Variants in MTCL1 observed in about 807,000 individuals in gnomAD.
The protein encoded by MTCL1 is microtubule cross-linking factor 1.
In MTCL1, 79 loss-of-function variants were observed where a neutral mutation model predicts 141.4. The observed-to-expected ratio is 0.56, with a 90% CI of 0.47 to 0.67. The LOEUF is 0.67. Among genes scored for constraint, MTCL1 ranks in the 30% least tolerant of loss-of-function variants. The probability of loss-of-function intolerance (pLI) is 0.00; values close to 1 mark genes in which losing one functional copy is unlikely to be tolerated. For synonymous variants in MTCL1, 914 were observed against 875.8 expected (o/e 1.04, Z -0.77); for missense variants, 2,177 against 2,113.9 (o/e 1.03, Z -0.59).
At position 8,828,603 on chromosome 18, in the gene MTCL1, G is replaced by A. The variant is rs2077098694; in HGVS notation, c.4723-305G>A. On this transcript the variant is annotated intron_variant, in intron 15 of 16. Coordinates refer to ENST00000359865, the Ensembl canonical transcript of MTCL1. This position sits in a 1 kb window ranked among gnomAD's most constrained non-coding sequence, Gnocchi z 5.2. ...TGTTTGAAATGTTAAATGCTAAAGGGTGACTCGGAAGCATAGAAACTAGAG... is the reference window on the plus strand; with the variant it reads ...TGTTTGAAATGTTAAATGCTAAAGGATGACTCGGAAGCATAGAAACTAGAG... 6.6e-6 allele frequency among the ~76,000 whole-genome samples: 1 copy of A among 152,148 alleles called. No homozygotes were observed. Among genetic ancestry groups the A allele is most frequent in the African/African-American group, 2.4e-5 (1 of 41,424 alleles).
intron 1 of MTCL1, chr18:8,717,900 A>C (rs1034142659): frequency 2.5e-5 from 25 of 991,554 alleles, no homozygotes; most frequent in Non-Finnish European, 2.9e-5. Context: ...TCATTTGTGG[A>C]TAGCGTCGCT....
intron 4 of MTCL1, among the ~76,000 whole-genome samples, chr18:8,761,478 A>G (rs1483171576): frequency 1.3e-5 from 2 of 152,204 alleles, no homozygotes; most frequent in South Asian, 2.1e-4. Context: ...GCTCATACCT[A>G]TTAAACAATA....
chr18:8,740,824 G>A (rs1335353911), intron 4 of MTCL1, among the ~76,000 whole-genome samples: 1 of 152,118 alleles, frequency 6.6e-6, no homozygotes, highest in Non-Finnish European at 1.5e-5. Context: ...TGAAGCTGTG[G>A]GACTCTAGGC....
chr18:8,786,293 T>C (rs1278591805), intron 7 of MTCL1: 2 of 715,466 alleles, frequency 2.8e-6, no homozygotes, highest in Non-Finnish European at 5.0e-6. Flanking sequence ...GGTGAACTGC[T>C]GTGCTCGTCA....
chr18:8,823,021 C>CT (rs1320169856), intron 14 of MTCL1, among the ~76,000 whole-genome samples: 1 of 149,540 alleles, frequency 6.7e-6, no homozygotes, highest in Non-Finnish European at 1.5e-5. Context: ...AAGACTCCGT[C>CT]TCAAAAAAAA....
At chr18:8,796,484 T>C (rs1598709092) in intron 9 of MTCL1, 22 bp downstream of exon 8, 1 of 1,611,176 alleles carries the variant, frequency 6.2e-7, no homozygotes, top group Non-Finnish European at 8.5e-7. Context: ...GTCGAATTCC[T>C]TTTATTTGCA....
At chr18:8,814,671 G>A (rs1015034491) in intron 12 of MTCL1, among the ~76,000 whole-genome samples, 6 of 152,172 alleles carry the variant, frequency 3.9e-5, no homozygotes, top group Non-Finnish European at 7.3e-5. Flanking sequence ...TGTCACCAGG[G>A]AGCTTCATTC....
chr18:8,711,944 G>A (rs1249489), intron 1 of MTCL1, among the ~76,000 whole-genome samples: 73,525 of 151,966 alleles, frequency 0.48, 19,045 homozygotes, highest in East Asian at 0.69. Flanking sequence ...CTCGGAGACA[G>A]TCAGACAAGC....
At chr18:8,734,248 C>T (rs948445107) in intron 4 of MTCL1, among the ~76,000 whole-genome samples, 2 of 151,988 alleles carry the variant, frequency 1.3e-5, no homozygotes, top group African/African-American at 2.4e-5. Flanking sequence ...CTCTTTTCCT[C>T]CTCCAACTCC....
chr18:8,788,172 G>A (rs1351814022), intron 7 of MTCL1, among the ~76,000 whole-genome samples: 1 of 152,180 alleles, frequency 6.6e-6, no homozygotes, highest in Non-Finnish European at 1.5e-5. Context: ...GGACTAACTG[G>A]GGGAAAGACA....
At chr18:8,716,938 C>A (rs149530522), upstream of MTCL1, among the ~76,000 whole-genome samples, 244 of 152,258 alleles carry the variant, frequency 1.6e-3, no homozygotes, top group Non-Finnish European at 2.9e-3. Context: ...GAGTGAATAT[C>A]TCATACCTGC....
At chr18:8,785,473 G>A (rs986099738) in intron 6 of MTCL1, among the ~76,000 whole-genome samples, 6 of 152,198 alleles carry the variant, frequency 3.9e-5, no homozygotes, top group Non-Finnish European at 7.3e-5. Flanking sequence ...GAGGGTCTCC[G>A]AGGACTGCTG....
chr18:8,735,297 T>C (rs2096269832), intron 4 of MTCL1, among the ~76,000 whole-genome samples: 1 of 152,174 alleles, frequency 6.6e-6, no homozygotes, highest in Non-Finnish European at 1.5e-5. Context: ...CTCTGCCACC[T>C]TCAGTTTCTT....
At chr18:8,826,307 G>A in intron 15 of MTCL1, 75 bp downstream of exon 14, 1 of 1,319,292 alleles carries the variant, frequency 7.6e-7, no homozygotes, top group Non-Finnish European at 1.0e-6. Context: ...TGGGACTTGG[G>A]ATTGTGCTCT....
Position 8,779,731 on chromosome 18 carries a change from G to A in MTCL1, c.417+1839G>A, listed in dbSNP as rs1212050759. Among the ~76,000 whole-genome samples the A allele has an allele frequency of 6.6e-6, 1 of 152,102 alleles. No individual in the cohort carries two copies. Among genetic ancestry groups the A allele is most frequent in the African/African-American group, 2.4e-5 (1 of 41,424 alleles). ...AACCCTGCTTTAGTCTTGGTGGCAG[G>A]CCTCATAGTGCATGTGTGGTTGTTA... On this transcript the variant is annotated intron_variant, in intron 5 of 16. Transcript: ENST00000359865. This position sits in a 1 kb window ranked among gnomAD's most constrained non-coding sequence, Gnocchi z 4.1.
At chr18:8,731,990 T>A (rs1414920871) in intron 4 of MTCL1, among the ~76,000 whole-genome samples, 1 of 152,258 alleles carries the variant, frequency 6.6e-6, no homozygotes, top group Admixed American at 6.5e-5. Flanking sequence ...ATTACAGGCG[T>A]GAGCCACTGT....
At chr18:8,721,542 C>T (rs2096172731) in intron 4 of MTCL1, among the ~76,000 whole-genome samples, 1 of 152,208 alleles carries the variant, frequency 6.6e-6, no homozygotes, top group Admixed American at 6.5e-5. Context: ...CTGCTCTTCC[C>T]ATGCATGCCC....
At chr18:8,728,479 C>T (rs2096230310) in intron 4 of MTCL1, among the ~76,000 whole-genome samples, 1 of 152,086 alleles carries the variant, frequency 6.6e-6, no homozygotes, top group South Asian at 2.1e-4. Flanking sequence ...TTCCTGATGA[C>T]TCTTATACTT....
At position 8,828,873 on chromosome 18, in the gene MTCL1, T is replaced by C. The variant is rs777738831; in HGVS notation, c.4723-35T>C. The C allele has an allele frequency of 1.2e-6, 2 of 1,613,560 alleles. No individual in the cohort carries two copies. Among genetic ancestry groups the C allele is most frequent in the Non-Finnish European group, 1.7e-6 (2 of 1,180,018 alleles). ...TTTAAAAAACACTTTCCAACCTTCT[T>C]GCTTTTCTTTTCTTTCTCTGTCTGT... On this transcript the variant is annotated intron_variant, in intron 15 of 16. Transcript: ENST00000359865. The surrounding 1 kb of genome is among the most constrained non-coding windows in gnomAD (Gnocchi z 5.2).
Sources: allele counts gnomAD v4.1 joint callset (sites outside exome capture counted in the v4.1 genomes callset), GRCh38; gene constraint gnomAD v4.1.1; non-coding constraint Gnocchi (gnomAD v3.1); transcripts MANE v1.5; gene names NCBI Gene and HGNC (gene_info 2026-07-23, HGNC 2026-07-21).